Variants in KARS1 observed in about 807,000 individuals in gnomAD.
The protein encoded by KARS1 is lysyl-tRNA synthetase 1.
A neutral mutation model predicts 63.9 loss-of-function variants in KARS1; 50 were observed. That is an observed-to-expected ratio of 0.78 (90% CI 0.62 to 0.99). The LOEUF (loss-of-function observed/expected upper bound fraction) is 0.99. Among genes scored for constraint, KARS1 ranks in the 50% least tolerant of loss-of-function variants. The probability of loss-of-function intolerance (pLI) is 0.00; values close to 1 mark genes in which losing one functional copy is unlikely to be tolerated. For synonymous variants in KARS1, 320 were observed against 264.6 expected, an observed-to-expected ratio of 1.21 and a Z score of -2.03; for missense variants, 816 against 754.5, an observed-to-expected ratio of 1.08 and a Z score of -0.95.
Position 75,629,401 on chromosome 16 carries a change from G to T in KARS1, c.1551+14C>A. On this transcript the variant is annotated intron_variant, in intron 12 of 13. Transcript: ENST00000302445. ...TGAGTTGGCACAGCTTCTGCTCACAGTCCCCTTTCTCACCTTGGCCTGTTC... is the reference window on the plus strand; with the variant it reads ...TGAGTTGGCACAGCTTCTGCTCACATTCCCCTTTCTCACCTTGGCCTGTTC... 1 of 1,613,720 alleles carries T rather than the reference G, an allele frequency of 6.2e-7. No individual in the cohort carries two copies. Among genetic ancestry groups the T allele is most frequent in the Non-Finnish European group, 8.5e-7 (1 of 1,179,712 alleles).
At chr16:75,630,347 C>A in intron 11 of KARS1, 76 bp downstream of exon 11, 1 of 1,005,840 alleles carries the variant, frequency 9.9e-7, no homozygotes, top group Non-Finnish European at 1.5e-6. Flanking sequence ...AGTCAAACCA[C>A]AAAATCTTGA....
intron 1 of KARS1, 27 bp downstream of exon 1, chr16:75,647,551 G>A (rs746250251): frequency 1.2e-6 from 2 of 1,607,804 alleles, no homozygotes; most frequent in African/African-American, 1.3e-5. Flanking sequence ...TACCGCAAAG[G>A]CTTTAAAGAC....
Position 75,627,809 on chromosome 16 carries a change from G to C in KARS1, c.*86C>G. The C allele has an allele frequency of 1.2e-6, 1 of 817,212 alleles. No homozygotes were observed. The highest frequency in any genetic ancestry group is 1.3e-5 in the South Asian group (1 of 74,946). The allele number at this position is 817,212 out of a possible 1,614,324, so 50.6% of individuals were successfully genotyped here. A position where few individuals can be genotyped will look rare whatever the true frequency, so the allele number is the denominator to read the frequency against. ...ACAGAACTGCGGTGTCAAATGGAAA[G>C]CAGCACACAAGAATTCCCTTGCAGA... is the stretch of plus-strand genomic sequence containing the variant. On this transcript the variant is annotated 3_prime_UTR_variant, in exon 14 of 14. Coordinates refer to ENST00000302445, the MANE Select transcript of KARS1 (RefSeq NM_005548.3).
chr16:75,628,621 C>G lies in KARS1; in HGVS notation c.1643G>C (p.Gly548Ala). The change falls in exon 13 of 14, where the codon GGC (glycine) becomes GCC (alanine). Residue 548 changes from glycine to alanine, a missense_variant. By Grantham distance (60) the Gly-to-Ala change is moderately conservative. Transcript: ENST00000302445. ...EYGLPPTAGW[G>A]MGIDRVAMFL... is the part of the protein sequence containing the mutation. ...CATGGCGACTCGATCAATGCCCATG[C>G]CCCAGCCAGCTGTGGGGGGCAGCCC... 6.2e-7 allele frequency: 1 copy of G among 1,614,184 alleles called. No homozygotes were observed. Among genetic ancestry groups the G allele is most frequent in the Non-Finnish European group, 8.5e-7 (1 of 1,180,040 alleles).
chr16:75,641,093 G>A (rs7195338), intron 2 of KARS1, among the ~76,000 whole-genome samples: 17,804 of 152,022 alleles, frequency 0.12, 2,548 homozygotes, highest in East Asian at 0.7. Context: ...CACTTGAACC[G>A]GGGAGGCGGA....
intron 3 of KARS1, among the ~76,000 whole-genome samples, chr16:75,636,962 T>G: frequency 7.3e-6 from 1 of 137,248 alleles, no homozygotes; most frequent in Non-Finnish European, 1.5e-5. Flanking sequence ...TTTTTTTTGG[T>G]CAGGGCACAA....
chr16:75,628,440 ACTCCTCTGCCTG>A, intron 13 of KARS1, 117 bp downstream of exon 13: 1 of 1,082,564 alleles, frequency 9.2e-7, no homozygotes, highest in Non-Finnish European at 1.4e-6. Flanking sequence ...GTGGCATGGA[ACTCCTCTGCCTG>A]CTCCTCTTCC....
chr16:75,633,591 C>A (rs535748452), intron 7 of KARS1, among the ~76,000 whole-genome samples: 1 of 149,096 alleles, frequency 6.7e-6, no homozygotes, highest in South Asian at 2.1e-4. Context: ...GATCTCGGCT[C>A]ACTGCAACCT....
chr16:75,640,181 T>C lies in KARS1; in HGVS notation c.388+3A>G, dbSNP rs1206135964. On this transcript the variant is annotated splice_donor_region_variant and intron_variant, in intron 3 of 13. Transcript: ENST00000302445. ...TCAGTGATTTGCCAGGGAGAGTTCC[T>C]ACCTGCCACCTTTAAGGTGATGTCA... 5 of 1,613,862 alleles carry C rather than the reference T, an allele frequency of 3.1e-6. No individual in the cohort carries two copies. In the South Asian group the frequency reaches 3.3e-5, roughly 11 times the overall value.
intron 11 of KARS1, among the ~76,000 whole-genome samples, chr16:75,630,208 G>T (rs1051854871): frequency 6.6e-6 from 1 of 152,216 alleles, no homozygotes; most frequent in Non-Finnish European, 1.5e-5. Context: ...CACATGAAGA[G>T]GCCCTGGAGG....
chr16:75,628,503 C>T, intron 13 of KARS1, 66 bp downstream of exon 13: 2 of 1,573,374 alleles, frequency 1.3e-6, no homozygotes, highest in Non-Finnish European at 1.7e-6. Flanking sequence ...CCAGGCCCAC[C>T]ATGCCCTGGC....
At chr16:75,647,400 GCCCGGGGTAT>G (rs958072100) in intron 1 of KARS1, 168 bp downstream of exon 1, 9 of 686,840 alleles carry the variant, frequency 1.3e-5, no homozygotes, top group African/African-American at 1.2e-4. Flanking sequence ...GAGCCGGCGT[GCCCGGGGTAT>G]CCCGGGGTAC....
Position 75,635,994 on chromosome 16 carries a change from A to G in KARS1, c.587T>C (p.Leu196Pro), listed in dbSNP as rs529776013. 1 of 1,614,122 alleles carries G rather than the reference A, an allele frequency of 6.2e-7. No individual in the cohort carries two copies. Among genetic ancestry groups the G allele is most frequent in the Admixed American group, 1.7e-5 (1 of 60,024 alleles). ...TGTGATCTCATACGGAATGATGCTC[A>G]GCTCACCCTTCTTGGTTTTACCAGG... The part of the protein sequence containing the change: ...GNPGKTKKGE[L>P]SIIPYEITLL... The change falls in exon 5 of 14, where the codon CTG becomes CCG. Residue 196 changes from leucine to proline, a missense_variant. By Grantham distance (98) the Leu-to-Pro change is moderately conservative. Transcript: ENST00000302445.
rs916922696 is a variant in KARS1 at position 75,628,607 on chromosome 16, G to A, written c.1657C>T (p.Arg553Ter). 3.7e-6 allele frequency: 6 copies of A among 1,613,954 alleles called. No individual in the cohort carries two copies. The highest frequency in any genetic ancestry group is 4.2e-6 in the Non-Finnish European group (5 of 1,180,016). The change falls in exon 13 of 14, where the codon CGA (arginine) becomes TGA (stop). Residue 553 changes from arginine to a stop codon, truncating the protein, a stop_gained. Transcript: ENST00000302445. LOFTEE classifies it high-confidence loss of function. ...GAGTCCGTGAGAAACATGGCGACTC[G>A]ATCAATGCCCATGCCCCAGCCAGCT... ...PTAGWGMGID[R>*]VAMFLTDSNN...
chr16:75,637,206 G>A (rs906102957), intron 3 of KARS1, among the ~76,000 whole-genome samples: 6 of 151,946 alleles, frequency 3.9e-5, no homozygotes, highest in Non-Finnish European at 8.8e-5. Flanking sequence ...AAAATCCATG[G>A]ACAAAATTTA....
In KARS1 at chr16:75,627,801, A is replaced by C. The variant is rs2082066994; in HGVS notation, c.*94T>G. 1.2e-6 allele frequency: 1 copy of C among 807,278 alleles called. No individual in the cohort carries two copies. The allele number at this position is 807,278 out of a possible 1,614,324, so 50.0% of individuals were successfully genotyped here. A position where few individuals can be genotyped will look rare whatever the true frequency, so the allele number is the denominator to read the frequency against. ...ATGGCTGAACAGAACTGCGGTGTCA[A>C]ATGGAAAGCAGCACACAAGAATTCC... On this transcript the variant is annotated 3_prime_UTR_variant, in exon 14 of 14. Coordinates refer to ENST00000302445, the MANE Select transcript of KARS1 (RefSeq NM_005548.3).
intron 12 of KARS1, 25 bp from the exon 13 acceptor site, chr16:75,628,737 G>C (rs1333032732): frequency 6.2e-7 from 1 of 1,613,772 alleles, no homozygotes; most frequent in East Asian, 2.2e-5. Flanking sequence ...AGAACCAAAA[G>C]GTGACCTTCT....
chr16:75,636,582 A>G, intron 3 of KARS1, 35 bp from the exon 4 acceptor site: 1 of 1,320,114 alleles, frequency 7.6e-7, no homozygotes, highest in Non-Finnish European at 1.1e-6. Flanking sequence ...TGACTGACAG[A>G]ACCAGAAGTC....
intron 11 of KARS1, 104 bp downstream of exon 11, chr16:75,630,318 AC>A: frequency 1.3e-6 from 1 of 756,760 alleles, no homozygotes; most frequent in Non-Finnish European, 2.3e-6. Flanking sequence ...GGTCAACACC[AC>A]CCAGCAGAAA....
Sources: allele counts gnomAD v4.1 joint callset (sites outside exome capture counted in the v4.1 genomes callset), GRCh38; gene constraint gnomAD v4.1.1; transcripts MANE v1.5; gene names NCBI Gene and HGNC (gene_info 2026-07-23, HGNC 2026-07-21).